The following VGLL4 variants were observed in gnomAD, a reference collection of about 807,000 sequenced individuals.
The protein encoded by VGLL4 is transcription cofactor vestigial-like protein 4.
A neutral mutation model predicts 21.0 loss-of-function variants in VGLL4; 7 were observed. The ratio of observed to expected loss-of-function variants is 0.33; its 90% CI spans 0.19 to 0.63. The LOEUF (loss-of-function observed/expected upper bound fraction) is 0.63, where lower values mean the gene tolerates loss of function less well. Ranked by LOEUF, VGLL4 falls within the 20% of genes least tolerant of loss-of-function variation. VGLL4 has a pLI of 0.78. For missense variants in VGLL4, 394 were observed against 425.7 expected, an observed-to-expected ratio of 0.93 and a Z score of 0.66; for synonymous variants, 222 against 173.2, an observed-to-expected ratio of 1.28 and a Z score of -2.21.
chr3:11,705,935 AAAG>A (rs1453027073), intron 1 of VGLL4, among the ~76,000 whole-genome samples: 1 of 152,132 alleles, frequency 6.6e-6, no homozygotes, highest in Non-Finnish European at 1.5e-5. Context: ...AAAAAAAAAA[AAAG>A]ATCTTGTGAT....
rs765140042 is a variant in VGLL4, at chr3:11,558,686, G to T, written c.761C>A (p.Thr254Lys). Residue 254 changes from threonine to lysine, a missense_variant, in exon 5 of 5, where the codon ACG becomes AAG. Physicochemically the swap from Thr to Lys is moderately conservative, Grantham distance 78 (BLOSUM62 -1). Coordinates refer to ENST00000430365, the MANE Select transcript of VGLL4 (RefSeq NM_001128219.3). The part of the protein sequence containing the change: ...DDHFAKALGD[T>K]WLQIKAAKDG... The stretch of plus-strand genomic sequence containing the variant: ...CTTGGCCGCTTTGATCTGGAGCCAC[G>T]TGTCACCCAGAGCTTTGGCAAAGTG... The T allele has an allele frequency of 6.2e-7, 1 of 1,613,904 alleles. No individual in the cohort carries two copies. Among genetic ancestry groups the T allele is most frequent in the South Asian group, 1.1e-5 (1 of 91,082 alleles).
At chr3:11,572,645 G>A (rs972554707) in intron 2 of VGLL4, among the ~76,000 whole-genome samples, 12 of 152,098 alleles carry the variant, frequency 7.9e-5, no homozygotes, top group Admixed American at 1.3e-4. Flanking sequence ...GCACACATCC[G>A]TCGCATGCTT....
intron 2 of VGLL4, among the ~76,000 whole-genome samples, chr3:11,673,478 AG>A (rs2076245680): frequency 6.6e-6 from 1 of 152,158 alleles, no homozygotes; most frequent in Non-Finnish European, 1.5e-5. Flanking sequence ...AAAACTGAAA[AG>A]TACAATTGCC....
At chr3:11,665,724 G>C (rs79264588) in intron 2 of VGLL4, among the ~76,000 whole-genome samples, 3,263 of 152,328 alleles carry the variant, frequency 0.021, 105 homozygotes, top group African/African-American at 0.074. Flanking sequence ...CACCTCCCAG[G>C]TGCCAGGCAC....
At chr3:11,629,541 G>A (rs2125313476) in intron 1 of VGLL4, among the ~76,000 whole-genome samples, 1 of 152,146 alleles carries the variant, frequency 6.6e-6, no homozygotes, top group Admixed American at 6.5e-5. Context: ...TGGATCACCT[G>A]AGGTCAGGAG....
chr3:11,628,601 A>G (rs556520309), intron 1 of VGLL4, among the ~76,000 whole-genome samples: 522 of 151,792 alleles, frequency 3.4e-3, no homozygotes, highest in Non-Finnish European at 5.5e-3. Context: ...CGGGCGGATC[A>G]CGAGGTCAGG....
intron 1 of VGLL4, among the ~76,000 whole-genome samples, chr3:11,628,999 A>C (rs1330618035): frequency 6.6e-6 from 1 of 152,076 alleles, no homozygotes; most frequent in African/African-American, 2.4e-5. Flanking sequence ...AATATCCTTA[A>C]TGACCAACTA....
chr3:11,604,760 A>G (rs1013242231), intron 1 of VGLL4, among the ~76,000 whole-genome samples: 1 of 143,930 alleles, frequency 6.9e-6, no homozygotes, highest in African/African-American at 2.5e-5. Flanking sequence ...CAGCTCTTAG[A>G]ATTACTGATG....
rs34908529 is a variant in VGLL4 at position 11,579,217 on chromosome 3, T to TAA, written c.273-14200_273-14199dup. Among the ~76,000 whole-genome samples, 728 of 134,572 alleles carry TAA rather than the reference T, an allele frequency of 5.4e-3. 6 individuals are homozygous for TAA. The highest frequency in any genetic ancestry group is 0.025 in the East Asian group (115 of 4,652). 88.3% of individuals were successfully genotyped at this position (134,572 alleles called of 152,430 possible). A position where few individuals can be genotyped will look rare whatever the true frequency, so the allele number is the denominator to read the frequency against. On this transcript the variant is annotated intron_variant, in intron 2 of 4. Transcript: ENST00000430365. ...GAAAGGGTTGGCCAAGCTAACTTTC[T>TAA]AAAAAAAAAAAAAAAAACCAGACTG...
intron 2 of VGLL4, among the ~76,000 whole-genome samples, chr3:11,578,748 C>CTTTTTTTTTTTTTTTT (rs71044228): frequency 3.8e-5 from 4 of 104,706 alleles, no homozygotes; most frequent in Admixed American, 1.3e-4. Context: ...TGTATATTTT[C>CTTTTTTTTTTTTTTTT]TTTTTTTTTT....
At chr3:11,590,936 A>G (rs1287400706) in intron 2 of VGLL4, among the ~76,000 whole-genome samples, 1 of 152,208 alleles carries the variant, frequency 6.6e-6, no homozygotes, top group Non-Finnish European at 1.5e-5. Flanking sequence ...CCCAGTCTTC[A>G]ATCAAATCTA....
At chr3:11,567,307 C>T (rs2073583958) in intron 2 of VGLL4, among the ~76,000 whole-genome samples, 1 of 152,164 alleles carries the variant, frequency 6.6e-6, no homozygotes, top group South Asian at 2.1e-4. Context: ...GCCAAGAGAA[C>T]CCTGTCAGCC....
At chr3:11,638,740 A>C (rs1339919911) in intron 1 of VGLL4, among the ~76,000 whole-genome samples, 1 of 152,068 alleles carries the variant, frequency 6.6e-6, no homozygotes, top group African/African-American at 2.4e-5. Flanking sequence ...TGGCCTTTTC[A>C]CCTACCCAAG....
chr3:11,666,535 G>A (rs1177427002), intron 2 of VGLL4, among the ~76,000 whole-genome samples: 1 of 152,166 alleles, frequency 6.6e-6, no homozygotes, highest in Non-Finnish European at 1.5e-5. Flanking sequence ...TCACAGTGAT[G>A]GCAAAAAGTG....
chr3:11,665,471 C>T (rs907985895), intron 2 of VGLL4, among the ~76,000 whole-genome samples: 1 of 152,214 alleles, frequency 6.6e-6, no homozygotes, highest in African/African-American at 2.4e-5. Context: ...TGCCTTCATA[C>T]ACCTGCAGCT....
intron 2 of VGLL4, among the ~76,000 whole-genome samples, chr3:11,598,333 GCTT>G (rs2074698399): frequency 6.6e-6 from 1 of 152,084 alleles, no homozygotes; most frequent in African/African-American, 2.4e-5. Flanking sequence ...GGCCTCTGCT[GCTT>G]CTTACTCTGG....
At chr3:11,706,490 G>C (rs2076762819) in intron 1 of VGLL4, among the ~76,000 whole-genome samples, 1 of 152,128 alleles carries the variant, frequency 6.6e-6, no homozygotes, top group Non-Finnish European at 1.5e-5. Context: ...GATAAACAAA[G>C]ACTAAATATT....
intron 2 of VGLL4, among the ~76,000 whole-genome samples, chr3:11,688,118 C>G (rs970467801): frequency 3.3e-5 from 5 of 152,228 alleles, no homozygotes; most frequent in African/African-American, 1.2e-4. Context: ...ATTGAAACAT[C>G]CTTGCATTCT....
intron 1 of VGLL4, among the ~76,000 whole-genome samples, chr3:11,608,635 A>G (rs6442268): frequency 0.95 from 145,020 of 152,304 alleles, 69,162 homozygotes; most frequent in African/African-American, 0.99. Flanking sequence ...AGGGGAGGAG[A>G]ACAGGGAGGA....
Sources: allele counts gnomAD v4.1 joint callset (sites outside exome capture counted in the v4.1 genomes callset), GRCh38; gene constraint gnomAD v4.1.1; transcripts MANE v1.5; gene names NCBI Gene and HGNC (gene_info 2026-07-23, HGNC 2026-07-21).